Variants in GRM1 observed in about 807,000 individuals in gnomAD.
GRM1 encodes glutamate metabotropic receptor 1, also known as metabotropic glutamate receptor 1.
GRM1 carries 33 observed loss-of-function variants against 90.9 expected under a neutral mutation model. The observed-to-expected ratio is 0.36, with a 90% CI of 0.28 to 0.49. GRM1 has a LOEUF of 0.49. Ranked by LOEUF, GRM1 falls within the 20% of genes least tolerant of loss-of-function variation. The probability of loss-of-function intolerance (pLI) is 0.99; values close to 1 mark genes in which losing one functional copy is unlikely to be tolerated. For missense variants in GRM1, 1,190 were observed against 1,534.3 expected (o/e 0.78, Z 3.75); for synonymous variants, 700 against 613.2 (o/e 1.14, Z -2.09).
chr6:146,417,233 G>A (rs919592410), intron 7 of GRM1, among the ~76,000 whole-genome samples: 3 of 152,156 alleles, frequency 2.0e-5, no homozygotes, highest in African/African-American at 7.2e-5. Flanking sequence ...TTGTTGATCC[G>A]TTGCATTCTG....
intron 2 of GRM1, among the ~76,000 whole-genome samples, chr6:146,187,415 C>T (rs531398611): frequency 6.6e-6 from 1 of 152,180 alleles, no homozygotes; most frequent in African/African-American, 2.4e-5. Flanking sequence ...CATACCATAT[C>T]ACGAAGTTTT....
chr6:146,094,498 AT>A (rs1361915807), intron 1 of GRM1, among the ~76,000 whole-genome samples: 1 of 152,136 alleles, frequency 6.6e-6, no homozygotes, highest in East Asian at 1.9e-4. Context: ...TATAGGGCGT[AT>A]TACTCGATTT....
chr6:146,071,759 G>T (rs142328833), intron 1 of GRM1, among the ~76,000 whole-genome samples: 244 of 152,256 alleles, frequency 1.6e-3, no homozygotes, highest in African/African-American at 5.3e-3. Flanking sequence ...CAACCCAATA[G>T]CAAGCTCTGA....
At chr6:146,317,877 C>T (rs1784031186) in intron 3 of GRM1, among the ~76,000 whole-genome samples, 1 of 152,166 alleles carries the variant, frequency 6.6e-6, no homozygotes, top group Non-Finnish European at 1.5e-5. Context: ...TAACCCATCT[C>T]AGGGGAAGGG....
At chr6:146,324,477 A>T (rs976230518) in intron 3 of GRM1, among the ~76,000 whole-genome samples, 1 of 151,980 alleles carries the variant, frequency 6.6e-6, no homozygotes, top group Non-Finnish European at 1.5e-5. Flanking sequence ...TAAAATTTAA[A>T]AAACTCCTGC....
intron 2 of GRM1, among the ~76,000 whole-genome samples, chr6:146,290,173 C>A (rs142746358): frequency 6.6e-6 from 1 of 152,076 alleles, no homozygotes; most frequent in East Asian, 1.9e-4. Flanking sequence ...TAAGTGTATT[C>A]GGTCATACAA....
chr6:146,219,473 C>T (rs542096739), intron 2 of GRM1, among the ~76,000 whole-genome samples: 35 of 151,468 alleles, frequency 2.3e-4, no homozygotes, highest in South Asian at 2.1e-3. Flanking sequence ...CCCAGAACGG[C>T]GGTTTTGAAA....
intron 2 of GRM1, among the ~76,000 whole-genome samples, chr6:146,281,871 A>G (rs76691185): frequency 1.5e-3 from 228 of 152,326 alleles, no homozygotes; most frequent in African/African-American, 5.3e-3. Context: ...ATGCATGTGT[A>G]CATTTGGCAA....
At chr6:146,215,911 C>A (rs1249418200) in intron 2 of GRM1, among the ~76,000 whole-genome samples, 2 of 152,106 alleles carry the variant, frequency 1.3e-5, no homozygotes, top group East Asian at 3.9e-4. Context: ...TGCCTGCCAC[C>A]ATGCCCGGCT....
intron 6 of GRM1, among the ~76,000 whole-genome samples, chr6:146,387,410 T>TA (rs977146432): frequency 2.2e-4 from 33 of 152,120 alleles, no homozygotes; most frequent in African/African-American, 7.7e-4. Flanking sequence ...TTATTTTGTA[T>TA]AAAATCTATC....
chr6:146,316,702 C>A (rs75425188), intron 3 of GRM1, among the ~76,000 whole-genome samples: 41 of 152,272 alleles, frequency 2.7e-4, no homozygotes, highest in African/African-American at 9.6e-4. Flanking sequence ...GCATCATCAT[C>A]CTCCTTGGCG....
intron 1 of GRM1, among the ~76,000 whole-genome samples, chr6:146,093,865 C>T (rs533853374): frequency 5.3e-4 from 80 of 152,050 alleles, no homozygotes; most frequent in Non-Finnish European, 9.9e-4. Flanking sequence ...ATTTCTAGGT[C>T]GATTTTCTCC....
At position 146,302,579 on chromosome 6, in the gene GRM1, T is replaced by G. The variant is rs576633401; in HGVS notation, c.951-2032T>G. 4.0e-5 allele frequency among the ~76,000 whole-genome samples: 6 copies of G among 151,350 alleles called. No homozygotes were observed. In the East Asian group the frequency reaches 1.2e-3, roughly 29 times the overall value. The stretch of plus-strand genomic sequence containing the variant: ...TATTTATTTATTTATTTTGTAGAGA[T>G]GGGGTTTTTCCATGTTGCCTAGGCT... On this transcript the variant is annotated intron_variant, in intron 2 of 7. Coordinates refer to ENST00000282753, the MANE Select transcript of GRM1 (RefSeq NM_001278064.2).
At chr6:146,117,636 A>G (rs997589668) in intron 1 of GRM1, among the ~76,000 whole-genome samples, 2 of 151,968 alleles carry the variant, frequency 1.3e-5, no homozygotes, top group African/African-American at 2.4e-5. Context: ...ATGTTTCACT[A>G]TCTACTACAA....
chr6:146,037,415 AT>A (rs1790930679), intron 1 of GRM1, among the ~76,000 whole-genome samples: 1 of 152,012 alleles, frequency 6.6e-6, no homozygotes, highest in South Asian at 2.1e-4. Flanking sequence ...AGATCATAAA[AT>A]TCATCAGCAG....
chr6:146,131,121 C>A (rs1382407615), intron 1 of GRM1, among the ~76,000 whole-genome samples: 2 of 152,154 alleles, frequency 1.3e-5, no homozygotes, highest in African/African-American at 4.8e-5. Flanking sequence ...TAAACAATGT[C>A]TACTTCTCTA....
chr6:146,314,051 C>CTTTTTTTTTTTTTTTTTTTTTTTTTTT (rs552986343), intron 3 of GRM1, among the ~76,000 whole-genome samples: 1 of 62,000 alleles, frequency 1.6e-5, no homozygotes. Context: ...TAGTTAATTC[C>CTTTTTTTTTTTTTTTTTTTTTTTTTTT]TTTTTTTTTT....
chr6:146,097,908 A>C (rs139710455), intron 1 of GRM1, among the ~76,000 whole-genome samples: 245 of 152,362 alleles, frequency 1.6e-3, no homozygotes, highest in African/African-American at 5.4e-3. Flanking sequence ...CCTTGTGATT[A>C]GTTATTTCAT....
At chr6:146,136,260 T>C (rs1465525441) in intron 1 of GRM1, among the ~76,000 whole-genome samples, 2 of 152,232 alleles carry the variant, frequency 1.3e-5, no homozygotes, top group African/African-American at 4.8e-5. Context: ...AGATATGTCT[T>C]CAATATACCG....
Sources: allele counts gnomAD v4.1 joint callset (sites outside exome capture counted in the v4.1 genomes callset), GRCh38; gene constraint gnomAD v4.1.1; transcripts MANE v1.5; gene names NCBI Gene and HGNC (gene_info 2026-07-23, HGNC 2026-07-21).